TMEM178B: variants seen among roughly 807,000 people sequenced by gnomAD.
TMEM178B encodes transmembrane protein 178B.
A neutral mutation model predicts 31.0 loss-of-function variants in TMEM178B; 5 were observed. That is an observed-to-expected ratio of 0.16 (90% CI 0.08 to 0.34). The LOEUF is 0.34. Among genes scored for constraint, TMEM178B ranks in the 10% least tolerant of loss-of-function variants. The probability of loss-of-function intolerance (pLI) is 1.00; values close to 1 mark genes in which losing one functional copy is unlikely to be tolerated. For missense variants in TMEM178B, 275 were observed against 400.3 expected (o/e 0.69, Z 2.67); for synonymous variants, 164 against 164.0 (o/e 1.00, Z 0.00).
chr7:141,146,639 A>G (rs1004251276), intron 1 of TMEM178B, among the ~76,000 whole-genome samples: 1 of 152,148 alleles, frequency 6.6e-6, no homozygotes, highest in Non-Finnish European at 1.5e-5. Flanking sequence ...TGCTATTACT[A>G]TTATTATCAG....
At chr7:141,358,756 AAT>A (rs1213323901) in intron 2 of TMEM178B, among the ~76,000 whole-genome samples, 1 of 152,106 alleles carries the variant, frequency 6.6e-6, no homozygotes, top group East Asian at 1.9e-4. Context: ...GCTTTCCCTT[AAT>A]AGAGAATGAT....
chr7:141,371,932 T>C (rs1195395398), intron 2 of TMEM178B, among the ~76,000 whole-genome samples: 2 of 152,230 alleles, frequency 1.3e-5, no homozygotes, highest in Admixed American at 6.5e-5. Context: ...CTTTTCTCCA[T>C]TGGGTCAATC....
At chr7:141,147,575 G>A (rs1470998524) in intron 1 of TMEM178B, among the ~76,000 whole-genome samples, 1 of 152,204 alleles carries the variant, frequency 6.6e-6, no homozygotes, top group Non-Finnish European at 1.5e-5. Flanking sequence ...TGTGATGGAA[G>A]CAATGGAGAG....
At chr7:141,395,735 A>G (rs1183430409) in intron 2 of TMEM178B, among the ~76,000 whole-genome samples, 5 of 152,086 alleles carry the variant, frequency 3.3e-5, no homozygotes, top group Admixed American at 6.6e-5. Context: ...TCATGTGCTT[A>G]TTTATACACA....
At chr7:141,194,110 T>G (rs1345870880) in intron 1 of TMEM178B, among the ~76,000 whole-genome samples, 1 of 152,100 alleles carries the variant, frequency 6.6e-6, no homozygotes, top group Non-Finnish European at 1.5e-5. Flanking sequence ...GGAGATACAA[T>G]TCAAGTTGAG....
intron 1 of TMEM178B, among the ~76,000 whole-genome samples, chr7:141,082,267 T>C (rs1428882463): frequency 2.0e-5 from 3 of 152,174 alleles, no homozygotes; most frequent in African/African-American, 7.2e-5. Flanking sequence ...AAAACTAATA[T>C]AGACTGGAGT....
intron 2 of TMEM178B, among the ~76,000 whole-genome samples, chr7:141,396,854 TG>T (rs1160675311): frequency 3.3e-5 from 5 of 152,138 alleles, no homozygotes; most frequent in African/African-American, 1.2e-4. Context: ...CAACAGTCGC[TG>T]AGGGTTGGGG....
At chr7:141,445,336 G>A (rs1359449766) in intron 3 of TMEM178B, among the ~76,000 whole-genome samples, 3 of 152,202 alleles carry the variant, frequency 2.0e-5, no homozygotes, top group Admixed American at 2.0e-4. Flanking sequence ...AAAATGAGAA[G>A]TCCAAGGCAA....
At chr7:141,242,781 G>A (rs570344074) in intron 2 of TMEM178B, among the ~76,000 whole-genome samples, 2 of 152,178 alleles carry the variant, frequency 1.3e-5, no homozygotes, top group African/African-American at 4.8e-5. Context: ...AACCGCAAGT[G>A]ATTTGCTCAC....
At chr7:141,357,210 G>A (rs1371137182) in intron 2 of TMEM178B, among the ~76,000 whole-genome samples, 2 of 152,224 alleles carry the variant, frequency 1.3e-5, no homozygotes, top group Admixed American at 6.5e-5. Flanking sequence ...GCCTTTTGTA[G>A]CTAAAGTTGA....
intron 3 of TMEM178B, among the ~76,000 whole-genome samples, chr7:141,458,575 G>T (rs1802006885): frequency 6.6e-6 from 1 of 152,170 alleles, no homozygotes; most frequent in Admixed American, 6.5e-5. Context: ...CCTGGGGTGG[G>T]ATTGAAGGAG....
At chr7:141,284,837 G>GGA (rs1563140977) in intron 2 of TMEM178B, among the ~76,000 whole-genome samples, 1 of 152,128 alleles carries the variant, frequency 6.6e-6, no homozygotes, top group Non-Finnish European at 1.5e-5. Flanking sequence ...GATATCAAGG[G>GGA]TTATTGGAAA....
chr7:141,074,215 C>G lies in TMEM178B; in HGVS notation c.-96C>G. 2.1e-6 allele frequency: 3 copies of G among 1,431,106 alleles called. No individual in the cohort carries two copies. Among genetic ancestry groups the G allele is most frequent in the Non-Finnish European group, 2.7e-6 (3 of 1,094,810 alleles). 88.7% of individuals were successfully genotyped at this position (1,431,106 alleles called of 1,614,324 possible). A position where few individuals can be genotyped will look rare whatever the true frequency, so the allele number is the denominator to read the frequency against. Reference sequence around the variant, plus strand: ...GGCGCGAGTCCCTCTCCTGCCCCCTCCCCCAGCTCGGCCGCCCGCCGCTTT... The same window carrying G: ...GGCGCGAGTCCCTCTCCTGCCCCCTGCCCCAGCTCGGCCGCCCGCCGCTTT... On this transcript the variant is annotated 5_prime_UTR_variant, in exon 1 of 4. Coordinates refer to ENST00000565468, the MANE Select transcript of TMEM178B (RefSeq NM_001195278.2). The surrounding 1 kb of genome is among the most constrained non-coding windows in gnomAD (Gnocchi z 5.1).
At position 141,344,399 on chromosome 7, in the gene TMEM178B, A is replaced by G. The variant is rs1187413687; in HGVS notation, c.497-93209A>G. 6.6e-6 allele frequency among the ~76,000 whole-genome samples: 1 copy of G among 152,248 alleles called. No individual in the cohort carries two copies. Among genetic ancestry groups the G allele is most frequent in the African/African-American group, 2.4e-5 (1 of 41,476 alleles). ...AGCCCTTCAGTCACTGAACTTCATCAGATGACATTTGAAGGGATCCAACTA... is the reference window on the plus strand; with the variant it reads ...AGCCCTTCAGTCACTGAACTTCATCGGATGACATTTGAAGGGATCCAACTA... On this transcript the variant is annotated intron_variant, in intron 2 of 3. Transcript: ENST00000565468. This position sits in a 1 kb window ranked among gnomAD's most constrained non-coding sequence, Gnocchi z 4.1.
intron 2 of TMEM178B, among the ~76,000 whole-genome samples, chr7:141,291,348 C>T (rs1279293022): frequency 6.6e-6 from 1 of 152,078 alleles, no homozygotes. Flanking sequence ...TAAGAAGCAG[C>T]TGAAATTAAC....
intron 2 of TMEM178B, among the ~76,000 whole-genome samples, chr7:141,398,603 C>T (rs1245834766): frequency 6.6e-6 from 1 of 152,176 alleles, no homozygotes; most frequent in Non-Finnish European, 1.5e-5. Context: ...TTCACTGGGA[C>T]ATCTGCAAGA....
chr7:141,455,817 G>A (rs114428701), intron 3 of TMEM178B, among the ~76,000 whole-genome samples: 124 of 152,344 alleles, frequency 8.1e-4, no homozygotes, highest in African/African-American at 2.8e-3. Flanking sequence ...TCAGAGAAAG[G>A]CTAGGGCCAA....
At chr7:141,438,001 C>T (rs770722213) in intron 3 of TMEM178B, among the ~76,000 whole-genome samples, 7 of 152,176 alleles carry the variant, frequency 4.6e-5, no homozygotes, top group Non-Finnish European at 8.8e-5. Flanking sequence ...GGAAGAAAGA[C>T]ACTTACGGAG....
intron 1 of TMEM178B, among the ~76,000 whole-genome samples, chr7:141,130,846 T>C (rs1795582999): frequency 1.3e-5 from 2 of 152,202 alleles, no homozygotes; most frequent in South Asian, 4.1e-4. Flanking sequence ...GCCTTCCAAC[T>C]TCACACCTTA....
Sources: gnomAD v4.1 joint callset for allele counts (sites outside exome capture counted in the v4.1 genomes callset) on GRCh38, gnomAD v4.1.1 for gene constraint, Gnocchi (gnomAD v3.1) non-coding constraint, MANE v1.5 for transcripts, NCBI Gene and HGNC (gene_info 2026-07-23, HGNC 2026-07-21) for gene names.